DCP2: variants seen among roughly 807,000 people sequenced by gnomAD.
DCP2 encodes the protein m7GpppN-mRNA hydrolase.
In DCP2, 30 loss-of-function variants were observed where a neutral mutation model predicts 56.1. The ratio of observed to expected loss-of-function variants is 0.53; its 90% CI spans 0.40 to 0.73. The LOEUF (loss-of-function observed/expected upper bound fraction) is 0.73, where lower values mean the gene tolerates loss of function less well. DCP2 is among the 30% of genes least tolerant of loss of function. The pLI is 0.00. For missense variants in DCP2, 533 were observed against 502.7 expected, an observed-to-expected ratio of 1.06 and a Z score of -0.58; for synonymous variants, 197 against 163.3, an observed-to-expected ratio of 1.21 and a Z score of -1.57.
At position 113,016,504 on chromosome 5, in the gene DCP2, A is replaced by C. The variant is rs934043497; in HGVS notation, c.*3020A>C. On this transcript the variant is annotated 3_prime_UTR_variant, in exon 11 of 11. Transcript: ENST00000389063. Reference sequence around the variant, plus strand: ...ATAGCTAATGAAGACATATAATGAAAGTAATTTTATGCTGTAAGATTGAAT... The same window carrying C: ...ATAGCTAATGAAGACATATAATGAACGTAATTTTATGCTGTAAGATTGAAT... 2 of 152,254 alleles carry C rather than the reference A, an allele frequency of 1.3e-5. No homozygotes were observed. Among genetic ancestry groups the C allele is most frequent in the Non-Finnish European group, 2.9e-5 (2 of 68,042 alleles). 9.4% of individuals were successfully genotyped at this position (152,254 alleles called of 1,614,324 possible).
At chr5:113,009,577 C>G (rs1309065571) in intron 9 of DCP2, among the ~76,000 whole-genome samples, 5 of 152,192 alleles carry the variant, frequency 3.3e-5, no homozygotes, top group African/African-American at 4.8e-5. Flanking sequence ...CAAAAGTGTT[C>G]ACTTTTTCCC....
chr5:112,992,890 G>T, intron 4 of DCP2, 120 bp downstream of exon 4: 2 of 502,626 alleles, frequency 4.0e-6, no homozygotes, highest in Non-Finnish European at 6.2e-6. Flanking sequence ...TTGAGTGCAT[G>T]AAGTAACTTA....
chr5:112,989,507 GA>G (rs943374961), intron 2 of DCP2, among the ~76,000 whole-genome samples: 2 of 151,948 alleles, frequency 1.3e-5, no homozygotes, highest in Non-Finnish European at 2.9e-5. Flanking sequence ...CGGAGGAAAT[GA>G]AAAAAGTTAC....
At chr5:112,985,797 T>A (rs368000386) in intron 1 of DCP2, 38 bp from the exon 2 acceptor site, 53 of 1,589,578 alleles carry the variant, frequency 3.3e-5, no homozygotes, top group Non-Finnish European at 4.2e-5. Flanking sequence ...CGTTATAGTT[T>A]GTAAATGTAA....
intron 1 of DCP2, among the ~76,000 whole-genome samples, chr5:112,977,738 G>A (rs185034828): frequency 1.2e-3 from 189 of 152,268 alleles, no homozygotes; most frequent in Admixed American, 2.4e-3. Flanking sequence ...ACACGTGTAG[G>A]ATACTTAAAA....
chr5:112,999,597 G>C lies in DCP2; in HGVS notation c.433-1487G>C, dbSNP rs977215967. 3.3e-5 allele frequency among the ~76,000 whole-genome samples: 5 copies of C among 151,400 alleles called. No individual in the cohort carries two copies. In the East Asian group the frequency reaches 9.7e-4, roughly 29 times the overall value. On this transcript the variant is annotated intron_variant, in intron 4 of 10. Coordinates refer to ENST00000389063, the MANE Select transcript of DCP2 (RefSeq NM_152624.6). ...TGCCTTGGCCTCCCCTTAGTGCTGG[G>C]ATTACAGGCGTGAGCCATCGCACCC...
In DCP2 at chr5:113,014,249, C is replaced by G. The variant is rs1202299454; in HGVS notation, c.*765C>G. 2.0e-5 allele frequency: 3 copies of G among 152,190 alleles called. No homozygotes were observed. Among genetic ancestry groups the G allele is most frequent in the African/African-American group, 7.2e-5 (3 of 41,450 alleles). The allele number at this position is 152,190 out of a possible 1,614,324, so 9.4% of individuals were successfully genotyped here. A position where few individuals can be genotyped will look rare whatever the true frequency, so the allele number is the denominator to read the frequency against. On this transcript the variant is annotated 3_prime_UTR_variant, in exon 11 of 11. Transcript: ENST00000389063. The stretch of plus-strand genomic sequence containing the variant: ...ACCCAGCAGCTACTTTGGGTCATGT[C>G]TTTACTGTCCTGCCTCCAACCCTTT...
chr5:112,986,115 C>A, intron 2 of DCP2, 129 bp downstream of exon 2: 1 of 882,004 alleles, frequency 1.1e-6, no homozygotes, highest in Non-Finnish European at 1.6e-6. Flanking sequence ...TAAAATTTGT[C>A]AAACATAAAT....
At chr5:113,000,802 G>A (rs1429828361) in intron 4 of DCP2, among the ~76,000 whole-genome samples, 1 of 152,166 alleles carries the variant, frequency 6.6e-6, no homozygotes, top group African/African-American at 2.4e-5. Flanking sequence ...ATTTTATTCT[G>A]GGAAAGATAT....
intron 8 of DCP2, among the ~76,000 whole-genome samples, chr5:113,005,927 G>A (rs1028298976): frequency 8.6e-5 from 13 of 152,036 alleles, no homozygotes; most frequent in Non-Finnish European, 1.9e-4. Context: ...GAGCCCAGTA[G>A]TTCGAGACCC....
At chr5:112,985,137 G>A (rs1748216969) in intron 1 of DCP2, among the ~76,000 whole-genome samples, 1 of 152,190 alleles carries the variant, frequency 6.6e-6, no homozygotes, top group East Asian at 1.9e-4. Flanking sequence ...TGACTGCTCT[G>A]AATTACAACA....
At chr5:113,008,132 TTTG>T in intron 9 of DCP2, 90 bp downstream of exon 9, 1 of 1,087,798 alleles carries the variant, frequency 9.2e-7, no homozygotes, top group Non-Finnish European at 1.3e-6. Context: ...TGTTACTTGT[TTTG>T]TTCTTATTTT....
chr5:112,987,674 A>G (rs1207639350), intron 2 of DCP2, among the ~76,000 whole-genome samples: 2 of 117,712 alleles, frequency 1.7e-5, no homozygotes, highest in Non-Finnish European at 3.2e-5. Context: ...GGGTTTTGCC[A>G]TGCTGGCCAG....
chr5:112,999,117 C>T (rs1478443844), intron 4 of DCP2, among the ~76,000 whole-genome samples: 2 of 152,152 alleles, frequency 1.3e-5, no homozygotes, highest in Non-Finnish European at 2.9e-5. Flanking sequence ...TAGTTAGATA[C>T]TGTTGGTAAC....
chr5:113,000,941 T>C (rs1321941922), intron 4 of DCP2, 143 bp from the exon 5 acceptor site: 2 of 865,606 alleles, frequency 2.3e-6, no homozygotes, highest in African/African-American at 3.4e-5. Context: ...CTCATATGCA[T>C]TTCTGTACCA....
intron 1 of DCP2, chr5:112,984,695 A>ATATATATATATATAT (rs1332407058): frequency 5.3e-5 from 4 of 75,740 alleles, no homozygotes; most frequent in Admixed American, 1.2e-4. Context: ...TTAAAAAAAA[A>ATATATATATATATAT]AAAAAAAAAT....
At chr5:112,995,343 C>T (rs1264080602) in intron 4 of DCP2, among the ~76,000 whole-genome samples, 1 of 152,102 alleles carries the variant, frequency 6.6e-6, no homozygotes, top group East Asian at 1.9e-4. Flanking sequence ...TTGTAAAAGT[C>T]CTCCCTTTTA....
rs746515720 is a variant in DCP2, at chr5:112,976,886, C to G, written c.-48C>G. 1.9e-6 allele frequency: 3 copies of G among 1,607,718 alleles called. No homozygotes were observed. The Admixed American group carries it at 5.0e-5, about 27-fold the overall frequency. ...AGTCCTAGTGCCGTACCGTCAGTCC[C>G]CGGCCGCGCGGAGCCGGGATGCACT... On this transcript the variant is annotated 5_prime_UTR_variant, in exon 1 of 11. Transcript: ENST00000389063.
At chr5:112,989,778 T>C (rs1020000747) in intron 2 of DCP2, among the ~76,000 whole-genome samples, 2 of 152,202 alleles carry the variant, frequency 1.3e-5, no homozygotes, top group African/African-American at 4.8e-5. Flanking sequence ...TGTGAAATAG[T>C]GTGAACAGTG....
Sources: allele counts gnomAD v4.1 joint callset (sites outside exome capture counted in the v4.1 genomes callset), GRCh38; gene constraint gnomAD v4.1.1; transcripts MANE v1.5; gene names NCBI Gene and HGNC (gene_info 2026-07-23, HGNC 2026-07-21).